The following PNPLA6 variants were observed in gnomAD, a reference collection of about 807,000 sequenced individuals.
PNPLA6 encodes patatin-like phospholipase domain-containing protein 6.
PNPLA6 carries 105 observed loss-of-function variants against 153.7 expected under a neutral mutation model. The observed-to-expected ratio is 0.68, with a 90% CI of 0.58 to 0.80. The LOEUF (loss-of-function observed/expected upper bound fraction) is 0.80. Ranked by LOEUF, PNPLA6 falls within the 30% of genes least tolerant of loss-of-function variation. PNPLA6 has a pLI of 0.00. For synonymous variants in PNPLA6, 825 were observed against 822.2 expected, an observed-to-expected ratio of 1.00 and a Z score of -0.06; for missense variants, 1,423 against 1,919.3, an observed-to-expected ratio of 0.74 and a Z score of 4.83.
Position 7,549,943 on chromosome 19 carries a change from CACGTGT to C in PNPLA6, c.1648_1653del (p.Val550_Tyr551del), listed in dbSNP as rs1198397498. The stretch of plus-strand genomic sequence containing the variant: ...GCACTTCGTGCTCTGGGGCTGCCTG[CACGTGT>C]ACCAGCGCATGATCGACAAGGCGGA... On this transcript the variant is annotated inframe_deletion, in exon 14 of 32. Coordinates refer to ENST00000600737, the MANE Select transcript of PNPLA6 (RefSeq NM_001166114.2). The C allele has an allele frequency of 6.2e-7, 1 of 1,613,712 alleles. No homozygotes were observed. The highest frequency in any genetic ancestry group is 1.7e-5 in the Admixed American group (1 of 60,018).
In PNPLA6 at chr19:7,541,045, C is replaced by G; in HGVS notation, c.918C>G (p.Val306=). ...FTKYPESLVR[V]VQIIMVRLQR... ...AGTACCCGGAGAGCTTGGTGCGGGT[C>G]GTGCAGGTCAGTGGGCCTTCGCCTC... Residue 306 remains valine, a synonymous_variant, in exon 7 of 32, where the codon GTC becomes GTG. Coordinates refer to ENST00000600737, the MANE Select transcript of PNPLA6 (RefSeq NM_001166114.2). The surrounding 1 kb of genome is among the most constrained non-coding windows in gnomAD (Gnocchi z 5.2). 6.2e-7 allele frequency: 1 copy of G among 1,608,836 alleles called. No homozygotes were observed. The highest frequency in any genetic ancestry group is 8.5e-7 in the Non-Finnish European group (1 of 1,178,546).
Position 7,541,065 on chromosome 19 carries a change from C to A in PNPLA6, c.924+14C>A. 2 of 1,606,022 alleles carry A rather than the reference C, an allele frequency of 1.2e-6. No homozygotes were observed. Among genetic ancestry groups the A allele is most frequent in the Non-Finnish European group, 8.5e-7 (1 of 1,177,462 alleles). On this transcript the variant is annotated intron_variant, in intron 7 of 31. Transcript: ENST00000600737. The surrounding 1 kb of genome is among the most constrained non-coding windows in gnomAD (Gnocchi z 5.2). ...CGGGTCGTGCAGGTCAGTGGGCCTT[C>A]GCCTCCTGTCACCCCCTGAGGGACC...
intron 2 of PNPLA6, 26 bp from the exon 3 acceptor site, chr19:7,536,423 A>T (rs762703657): frequency 1.3e-6 from 2 of 1,546,808 alleles, no homozygotes; most frequent in African/African-American, 1.4e-5. Flanking sequence ...TTAGCAATTC[A>T]CCCATCTCCG....
chr19:7,548,473 G>A (rs1490253749), intron 13 of PNPLA6, among the ~76,000 whole-genome samples: 3 of 151,832 alleles, frequency 2.0e-5, no homozygotes, highest in Admixed American at 6.6e-5. Flanking sequence ...CAAATTCGAA[G>A]CCATCCTGGG....
chr19:7,547,061 C>A (rs1465667648), intron 13 of PNPLA6, among the ~76,000 whole-genome samples: 1 of 152,002 alleles, frequency 6.6e-6, no homozygotes, highest in Non-Finnish European at 1.5e-5. Context: ...CACGCTGCCA[C>A]GCCCAGCTAA....
chr19:7,549,494 C>CTTCTTCTTTTT (rs66673863), intron 13 of PNPLA6, among the ~76,000 whole-genome samples: 48 of 136,374 alleles, frequency 3.5e-4, no homozygotes, highest in African/African-American at 1.4e-3. Flanking sequence ...CCTTCTTCTT[C>CTTCTTCTTTTT]TTTTTTTTTT....
intron 24 of PNPLA6, 94 bp from the exon 25 acceptor site, chr19:7,556,359 G>T: frequency 1.2e-6 from 1 of 812,196 alleles, no homozygotes. Context: ...GCTGCACCTG[G>T]CCCCTAAGTG....
chr19:7,552,190 G>A (rs536620083), intron 18 of PNPLA6, among the ~76,000 whole-genome samples: 2 of 152,312 alleles, frequency 1.3e-5, no homozygotes, highest in African/African-American at 4.8e-5. Flanking sequence ...TAGGACTCTG[G>A]GCACCTCGCC....
rs1455056109 is a variant in PNPLA6 at position 7,551,394 on chromosome 19, G to C, written c.2217G>C (p.Gln739His). Reference sequence around the variant, plus strand: ...CCCGCCTTATCCACCTACTGAGCCAGAAAATTCTAGGGAATTTGCAGCAGC... The same window carrying C: ...CCCGCCTTATCCACCTACTGAGCCACAAAATTCTAGGGAATTTGCAGCAGC... ...VVTRLIHLLS[Q>H]KILGNLQQLQ... Residue 739 changes from glutamine to histidine, a missense_variant, in exon 18 of 32, where the codon CAG becomes CAC. Physicochemically the swap from Gln to His is conservative, Grantham distance 24. Around this residue, in one of 10 missense-constraint regions of PNPLA6, gnomAD observed 63 missense variants for 166.2 expected, o/e 0.38. Transcript: ENST00000600737. 1 of 1,613,958 alleles carries C rather than the reference G, an allele frequency of 6.2e-7. No individual in the cohort carries two copies. The highest frequency in any genetic ancestry group is 1.3e-5 in the African/African-American group (1 of 74,906).
Position 7,542,669 on chromosome 19 carries a change from G to A in PNPLA6, c.1361G>A (p.Arg454Gln), listed in dbSNP as rs370626406. The A allele has an allele frequency of 8.1e-6, 13 of 1,612,812 alleles. No homozygotes were observed. The highest frequency in any genetic ancestry group is 4.5e-5 in the East Asian group (2 of 44,884). ...ASGGSLAAPA[R>Q]TPTQEPREQP... ...GGGGGGTCCCTGGCAGCCCCCGCTCGGGTAAGGCTTGGGACCCTGCCCGGT... is the reference window on the plus strand; with the variant it reads ...GGGGGGTCCCTGGCAGCCCCCGCTCAGGTAAGGCTTGGGACCCTGCCCGGT... Residue 454 changes from arginine to glutamine, a missense_variant and splice_region_variant, in exon 11 of 32, where the codon CGG becomes CAG. Arg to Gln is a conservative substitution (Grantham distance 43, BLOSUM62 1). Coordinates refer to ENST00000600737, the MANE Select transcript of PNPLA6 (RefSeq NM_001166114.2).
At chr19:7,559,620 C>T (rs1262606492) in intron 28 of PNPLA6, among the ~76,000 whole-genome samples, 4 of 151,504 alleles carry the variant, frequency 2.6e-5, no homozygotes, top group Admixed American at 6.6e-5. Flanking sequence ...GGGAGGATTG[C>T]TTGAAACCAG....
chr19:7,535,752 G>C lies in PNPLA6; in HGVS notation c.-37G>C. ...CCGCCGGGCCTCAGGGAAGAGTCGC[G>C]CCCCCGGGGAGGGAGCAGCACTGGC... On this transcript the variant is annotated 5_prime_UTR_variant, in exon 1 of 32. Coordinates refer to ENST00000600737, the MANE Select transcript of PNPLA6 (RefSeq NM_001166114.2). This position sits in a 1 kb window ranked among gnomAD's most constrained non-coding sequence, Gnocchi z 5.0. 2 of 1,519,054 alleles carry C rather than the reference G, an allele frequency of 1.3e-6. No homozygotes were observed. The highest frequency in any genetic ancestry group is 1.8e-6 in the Non-Finnish European group (2 of 1,133,578). 94.1% of individuals were successfully genotyped at this position (1,519,054 alleles called of 1,614,324 possible). A position where few individuals can be genotyped will look rare whatever the true frequency, so the allele number is the denominator to read the frequency against.
intron 31 of PNPLA6, 66 bp downstream of exon 31, chr19:7,561,383 G>C (rs2024094696): frequency 7.0e-7 from 1 of 1,433,874 alleles, no homozygotes; most frequent in African/African-American, 1.4e-5. Flanking sequence ...TGTCAGGCAG[G>C]GGAGCCGGGG....
Position 7,555,489 on chromosome 19 carries a change from C to A in PNPLA6, c.2937-118C>A. 3 of 1,383,110 alleles carry A rather than the reference C, an allele frequency of 2.2e-6. No individual in the cohort carries two copies. Among genetic ancestry groups the A allele is most frequent in the Non-Finnish European group, 3.0e-6 (3 of 1,003,040 alleles). 85.7% of individuals were successfully genotyped at this position (1,383,110 alleles called of 1,614,324 possible). On this transcript the variant is annotated intron_variant, in intron 23 of 31. Transcript: ENST00000600737. The surrounding 1 kb of genome is among the most constrained non-coding windows in gnomAD (Gnocchi z 6.3). ...GTGGAGCTTCCCCTCCGGGAGAGAC[C>A]CCGTGGGTAGGGGCGGGTCCTTTGT...
In PNPLA6 at chr19:7,550,305, C is replaced by A. The variant is rs548509810; in HGVS notation, c.1822C>A (p.Arg608Ser). Reference sequence around the variant, plus strand: ...CCAAGTCTGTTCCTGCAGGATCATGCGCGCACAGCCCAGTGTGGTGCTGAG... The same window carrying A: ...CCAAGTCTGTTCCTGCAGGATCATGAGCGCACAGCCCAGTGTGGTGCTGAG... Reference protein sequence around the residue: ...ISKSDFYEIMRAQPSVVLSAA... With the variant: ...ISKSDFYEIMSAQPSVVLSAA... The change falls in exon 15 of 32, where the codon CGC becomes AGC. Residue 608 changes from arginine (R) to serine (S), a missense_variant. This residue lies in a region of PNPLA6 where 119 missense variants were observed against 163.7 expected (regional missense o/e 0.73). Coordinates refer to ENST00000600737, the MANE Select transcript of PNPLA6 (RefSeq NM_001166114.2). 2 of 1,612,804 alleles carry A rather than the reference C, an allele frequency of 1.2e-6. No homozygotes were observed. Among genetic ancestry groups the A allele is most frequent in the Non-Finnish European group, 1.7e-6 (2 of 1,180,046 alleles).
chr19:7,554,851 G>A (rs1317245380), intron 21 of PNPLA6, 42 bp from the exon 22 acceptor site: 4 of 1,570,518 alleles, frequency 2.5e-6, no homozygotes, highest in African/African-American at 1.3e-5. Flanking sequence ...TGGCCAGGTG[G>A]TGGTGGGGCG....
chr19:7,556,922 G>A, intron 26 of PNPLA6, 198 bp downstream of exon 26: 1 of 688,212 alleles, frequency 1.5e-6, no homozygotes, highest in South Asian at 1.5e-5. Flanking sequence ...AGGGGAGCAG[G>A]GAGACTCGTC....
intron 10 of PNPLA6, 143 bp downstream of exon 10, chr19:7,542,210 T>A (rs370382069): frequency 1.4e-6 from 1 of 696,898 alleles, no homozygotes; most frequent in African/African-American, 1.8e-5. Context: ...TAGATATTCA[T>A]TGAGATAGTG....
At chr19:7,550,702 C>A in intron 16 of PNPLA6, 62 bp downstream of exon 16, 6 of 1,587,300 alleles carry the variant, frequency 3.8e-6, no homozygotes, top group African/African-American at 1.3e-5. Flanking sequence ...CGACAACTCA[C>A]ACACATCATC....
Sources: allele counts gnomAD v4.1 joint callset (sites outside exome capture counted in the v4.1 genomes callset), GRCh38; gene constraint gnomAD v4.1.1; regional missense constraint gnomAD v4.1.1; non-coding constraint Gnocchi (gnomAD v3.1); transcripts MANE v1.5; gene names NCBI Gene and HGNC (gene_info 2026-07-23, HGNC 2026-07-21).